The following PDE1C variants were observed in gnomAD, a reference collection of about 807,000 sequenced individuals.
PDE1C encodes dual specificity calcium/calmodulin-dependent 3',5'-cyclic nucleotide phosphodiesterase 1C.
Under a neutral mutation model 93.1 loss-of-function variants are expected in PDE1C, and 62 were observed. The observed-to-expected ratio is 0.67, with a 90% CI of 0.54 to 0.82. PDE1C has a LOEUF of 0.82. PDE1C is among the 40% of genes least tolerant of loss of function. The pLI is 0.00. For synonymous variants in PDE1C, 325 were observed against 310.1 expected, an observed-to-expected ratio of 1.05 and a Z score of -0.50; for missense variants, 742 against 884.6, an observed-to-expected ratio of 0.84 and a Z score of 2.04.
chr7:31,756,510 T>C (rs185616417), intron 17 of PDE1C, among the ~76,000 whole-genome samples: 3 of 152,058 alleles, frequency 2.0e-5, no homozygotes, highest in Non-Finnish European at 2.9e-5. Flanking sequence ...TAATGGGTTA[T>C]CCCGGATGGG....
intron 2 of PDE1C, among the ~76,000 whole-genome samples, chr7:32,192,417 A>G (rs1804295838): frequency 6.6e-6 from 1 of 152,174 alleles, no homozygotes; most frequent in African/African-American, 2.4e-5. Context: ...ACAGATGTCC[A>G]ATACTGAAGC....
chr7:31,670,263 G>A, the PDE1C span, among the ~76,000 whole-genome samples: 1 of 152,172 alleles, frequency 6.6e-6, no homozygotes. Context: ...GTCCTCCAAT[G>A]AGCATGTCCT....
At chr7:32,167,041 C>T (rs996921554) in intron 3 of PDE1C, among the ~76,000 whole-genome samples, 10 of 152,090 alleles carry the variant, frequency 6.6e-5, no homozygotes, top group African/African-American at 1.9e-4. Context: ...CAAATAAGAA[C>T]GGCTATTGCT....
At position 31,816,039 on chromosome 7, in the gene PDE1C, T is replaced by C. The variant is rs1788213788; in HGVS notation, c.1698A>G (p.Lys566=). Residue 566 remains lysine (K), a synonymous_variant, in exon 15 of 18, where the codon AAA becomes AAG. Transcript: ENST00000396191. ...GATTCTTAGTTTCTCCAGACGTCTTTTTCTCAGCTTTGCCAGATGCGCCTT... is the reference window on the plus strand; with the variant it reads ...GATTCTTAGTTTCTCCAGACGTCTTCTTCTCAGCTTTGCCAGATGCGCCTT... ...AEEGASGKAE[K]KTSGETKNQV... is the part of the protein sequence containing the mutation. 1 of 1,613,920 alleles carries C rather than the reference T, an allele frequency of 6.2e-7. No homozygotes were observed. Among genetic ancestry groups the C allele is most frequent in the Non-Finnish European group, 8.5e-7 (1 of 1,179,952 alleles).
chr7:31,799,809 G>T lies in PDE1C; in HGVS notation c.1891+9222C>A, dbSNP rs372417303. ...TTTTCTGTACTAAGATTCTAAATAG[G>T]AGAATATGATTATCTTGAGAAATAT... On this transcript the variant is annotated intron_variant, in intron 16 of 17. Transcript: ENST00000396191. Among the ~76,000 whole-genome samples, 3 of 151,570 alleles carry T rather than the reference G, an allele frequency of 2.0e-5. No individual in the cohort carries two copies. In the East Asian group the frequency reaches 5.8e-4, roughly 29 times the overall value.
chr7:31,871,758 G>A (rs1451773062), intron 6 of PDE1C, among the ~76,000 whole-genome samples: 2 of 151,562 alleles, frequency 1.3e-5, no homozygotes, highest in Non-Finnish European at 2.9e-5. Context: ...AACGTTGGTG[G>A]GAATGTAAAT....
At chr7:32,165,735 A>C (rs575142848) in intron 3 of PDE1C, among the ~76,000 whole-genome samples, 1 of 152,324 alleles carries the variant, frequency 6.6e-6, no homozygotes, top group Non-Finnish European at 1.5e-5. Context: ...TTGGGTGGGG[A>C]CACAGACCCA....
At chr7:31,979,508 G>A (rs1812106258) in intron 2 of PDE1C, among the ~76,000 whole-genome samples, 2 of 152,114 alleles carry the variant, frequency 1.3e-5, no homozygotes, top group African/African-American at 4.8e-5. Flanking sequence ...ATATCATTAT[G>A]CCCCTTTTGA....
chr7:31,621,274 T>C, the PDE1C span, among the ~76,000 whole-genome samples: 1 of 117,546 alleles, frequency 8.5e-6, no homozygotes, highest in Non-Finnish European at 1.8e-5. Context: ...AAGATACTCC[T>C]CGAGAAGAGC....
the PDE1C span, among the ~76,000 whole-genome samples, chr7:31,619,763 G>C: frequency 3.3e-5 from 5 of 152,260 alleles, no homozygotes; most frequent in East Asian, 2.0e-4. Context: ...GCGCAGGTCA[G>C]TGGGTGCAGC....
chr7:31,946,361 A>G (rs2129007894), intron 2 of PDE1C, among the ~76,000 whole-genome samples: 1 of 152,266 alleles, frequency 6.6e-6, no homozygotes, highest in East Asian at 1.9e-4. Flanking sequence ...GCCCTGCCAC[A>G]CCATAATCTA....
chr7:31,907,839 A>T (rs1038981312), intron 2 of PDE1C, among the ~76,000 whole-genome samples: 1 of 152,142 alleles, frequency 6.6e-6, no homozygotes, highest in Admixed American at 6.5e-5. Context: ...ATTTACTTTC[A>T]GTGTTAGAAA....
intron 2 of PDE1C, among the ~76,000 whole-genome samples, chr7:31,887,544 T>TA (rs966834405): frequency 5.2e-4 from 79 of 151,598 alleles, no homozygotes; most frequent in African/African-American, 1.3e-3. Context: ...ACTTGTTAAC[T>TA]AAAAAAAAAT....
intron 2 of PDE1C, among the ~76,000 whole-genome samples, chr7:32,042,924 T>G (rs1792038024): frequency 6.6e-6 from 1 of 152,198 alleles, no homozygotes; most frequent in African/African-American, 2.4e-5. Context: ...TTGAATCTCA[T>G]CTCTTTACAG....
At chr7:32,117,781 A>C (rs1799065896) in intron 3 of PDE1C, among the ~76,000 whole-genome samples, 1 of 152,190 alleles carries the variant, frequency 6.6e-6, no homozygotes, top group African/African-American at 2.4e-5. Flanking sequence ...TGAATGACTA[A>C]AGAAATTCTG....
chr7:32,112,856 A>G (rs1196128889), intron 3 of PDE1C, among the ~76,000 whole-genome samples: 1,141 of 111,820 alleles, frequency 0.01, 25 homozygotes, highest in African/African-American at 0.058. Flanking sequence ...GTATATATAT[A>G]TATATATATA....
rs1005771746 is a variant in PDE1C at position 32,379,571 on chromosome 7, G to C, written c.310+48251C>G. Among the ~76,000 whole-genome samples the C allele has an allele frequency of 2.0e-5, 3 of 152,230 alleles. No homozygotes were observed. The East Asian group carries it at 5.8e-4, about 29-fold the overall frequency. ...AATGGATTAAAAAAAGCACACTGGT[G>C]GACTTTCATCTGATTAATTTTCCTG... On this transcript the variant is annotated intron_variant, in intron 1 of 1. Coordinates refer to the PDE1C transcript ENST00000672256.
At chr7:31,655,976 A>C in the PDE1C span, 1 of 985,364 alleles carries the variant, frequency 1.0e-6, no homozygotes, top group Non-Finnish European at 1.2e-6. Flanking sequence ...CTATTCCCCT[A>C]AACCACCTCC....
At chr7:31,643,195 T>C in the PDE1C span, 2 of 1,613,720 alleles carry the variant, frequency 1.2e-6, no homozygotes, top group Admixed American at 3.3e-5. Flanking sequence ...TCAAGACAAG[T>C]TCCTTCATGT....
Sources: gnomAD v4.1 joint callset for allele counts (sites outside exome capture counted in the v4.1 genomes callset) on GRCh38, gnomAD v4.1.1 for gene constraint, MANE v1.5 for transcripts, NCBI Gene and HGNC (gene_info 2026-07-23, HGNC 2026-07-21) for gene names.